ELAVL4: variants seen among roughly 807,000 people sequenced by gnomAD.
The protein encoded by ELAVL4 is ELAV like RNA binding protein 4.
ELAVL4 carries 1 observed loss-of-function variant against 35.6 expected under a neutral mutation model. That is an observed-to-expected ratio of 0.03 (90% CI 0.01 to 0.13). The LOEUF is 0.13. ELAVL4 is among the 10% of genes least tolerant of loss of function. The pLI is 1.00. For missense variants in ELAVL4, 267 were observed against 464.9 expected, an observed-to-expected ratio of 0.57 and a Z score of 3.91; for synonymous variants, 156 against 171.0, an observed-to-expected ratio of 0.91 and a Z score of 0.69.
chr1:50,202,412 A>G lies in ELAVL4; in HGVS notation c.*1234A>G, dbSNP rs1644424652. 6.6e-6 allele frequency: 1 copy of G among 152,196 alleles called. No homozygotes were observed. The allele number at this position is 152,196 out of a possible 1,614,324, so 9.4% of individuals were successfully genotyped here. A position where few individuals can be genotyped will look rare whatever the true frequency, so the allele number is the denominator to read the frequency against. On this transcript the variant is annotated 3_prime_UTR_variant, in exon 7 of 7. Transcript: ENST00000371824. ...TGTGTTTAGGAGAGGAAAACAAAAG[A>G]TACATTTGCTTTAAATTCATTAAGA...
At chr1:50,061,977 T>C (rs1664005458) in intron 1 of ELAVL4, among the ~76,000 whole-genome samples, 1 of 152,226 alleles carries the variant, frequency 6.6e-6, no homozygotes, top group African/African-American at 2.4e-5. Flanking sequence ...AGTATTATTA[T>C]TATCCTCCTG....
At chr1:50,069,134 T>C (rs1156487377) in intron 1 of ELAVL4, among the ~76,000 whole-genome samples, 1 of 152,202 alleles carries the variant, frequency 6.6e-6, no homozygotes, top group African/African-American at 2.4e-5. Flanking sequence ...TGTTTATGTA[T>C]CTCTATGTCA....
chr1:50,198,400 G>A (rs1644189711), intron 6 of ELAVL4, among the ~76,000 whole-genome samples: 1 of 152,120 alleles, frequency 6.6e-6, no homozygotes, highest in African/African-American at 2.4e-5. Flanking sequence ...ACAGTCAAGG[G>A]AAAGAGATGT....
intron 1 of ELAVL4, 106 bp from the exon 2 acceptor site, chr1:50,144,851 G>T: frequency 6.5e-7 from 1 of 1,533,400 alleles, no homozygotes. Flanking sequence ...GCTCCATCTT[G>T]CTTTATCTTC....
At chr1:50,176,243 G>A (rs1260692847) in intron 2 of ELAVL4, among the ~76,000 whole-genome samples, 2 of 152,138 alleles carry the variant, frequency 1.3e-5, no homozygotes, top group Non-Finnish European at 2.9e-5. Context: ...GAGTTTATTT[G>A]CACTCTTAGC....
intron 3 of ELAVL4, among the ~76,000 whole-genome samples, chr1:50,190,799 A>G (rs968876487): frequency 2.6e-5 from 4 of 152,126 alleles, no homozygotes; most frequent in Admixed American, 2.6e-4. Flanking sequence ...AACTAATGGG[A>G]GTTAAGGTCA....
At chr1:50,192,415 G>A (rs1457210995) in intron 3 of ELAVL4, among the ~76,000 whole-genome samples, 1 of 152,018 alleles carries the variant, frequency 6.6e-6, no homozygotes, top group South Asian at 2.1e-4. Flanking sequence ...TCCCCTGAAG[G>A]TCACAGAAGC....
At chr1:50,161,267 G>C (rs780578962) in intron 2 of ELAVL4, among the ~76,000 whole-genome samples, 3 of 151,734 alleles carry the variant, frequency 2.0e-5, no homozygotes, top group Non-Finnish European at 2.9e-5. Context: ...TTCAACCCTT[G>C]TTAAAAACAT....
intron 1 of ELAVL4, among the ~76,000 whole-genome samples, chr1:50,093,527 G>A (rs185901249): frequency 9.9e-5 from 15 of 152,270 alleles, no homozygotes; most frequent in African/African-American, 3.4e-4. Context: ...TAGGTAATGT[G>A]ACCATGTGAC....
chr1:50,120,033 A>G (rs1347819925), intron 1 of ELAVL4, among the ~76,000 whole-genome samples: 1 of 150,310 alleles, frequency 6.7e-6, no homozygotes, highest in Non-Finnish European at 1.5e-5. Flanking sequence ...TCTCTTCTAT[A>G]TCAAATTTTT....
chr1:50,057,798 A>G (rs1353061709), intron 1 of ELAVL4, among the ~76,000 whole-genome samples: 1 of 152,192 alleles, frequency 6.6e-6, no homozygotes, highest in Non-Finnish European at 1.5e-5. Flanking sequence ...ACGTATCCCC[A>G]TTGTTAAGCA....
chr1:50,184,144 G>C (rs1054604306), intron 3 of ELAVL4, among the ~76,000 whole-genome samples: 26 of 152,284 alleles, frequency 1.7e-4, no homozygotes, highest in African/African-American at 5.5e-4. Flanking sequence ...CTTCCTTTGA[G>C]TGAATAATTT....
chr1:50,121,761 A>T (rs1234812872), intron 1 of ELAVL4, among the ~76,000 whole-genome samples: 1 of 152,062 alleles, frequency 6.6e-6, no homozygotes. Flanking sequence ...TTTAATATGA[A>T]GCATCATATC....
chr1:50,113,339 G>T (rs1667398418), intron 1 of ELAVL4, among the ~76,000 whole-genome samples: 2 of 151,536 alleles, frequency 1.3e-5, no homozygotes, highest in South Asian at 4.2e-4. Flanking sequence ...GCTTCATTTA[G>T]CCCTGAGCAT....
chr1:50,079,427 ATGAGAAGCTCTGAAGCT>A (rs1557690765), intron 1 of ELAVL4, among the ~76,000 whole-genome samples: 1 of 152,210 alleles, frequency 6.6e-6, no homozygotes, highest in Non-Finnish European at 1.5e-5. Flanking sequence ...AGCCCCTTCC[ATGAGAAGCTCTGAAGCT>A]AAGATAGCCT....
rs190692843 is a variant in ELAVL4 at position 50,161,122 on chromosome 1, C to A, written c.250+15925C>A. ...GCTGGAATCACCTGTTGGTTTGCAT[C>A]CACTCTGGGTGGAATGTCTTGTCTA... On this transcript the variant is annotated intron_variant, in intron 2 of 6. Transcript: ENST00000371824. Among the ~76,000 whole-genome samples the A allele has an allele frequency of 8.5e-5, 13 of 152,276 alleles. 1 individual carries two copies. In the East Asian group the frequency reaches 2.5e-3, roughly 29 times the overall value.
intron 1 of ELAVL4, among the ~76,000 whole-genome samples, chr1:50,133,649 A>G (rs368608359): frequency 1.5e-3 from 179 of 116,920 alleles, no homozygotes; most frequent in African/African-American, 5.2e-3. Flanking sequence ...GAAAGAAAGA[A>G]AGAGAAAGAA....
intron 1 of ELAVL4, among the ~76,000 whole-genome samples, chr1:50,090,561 G>A (rs928140593): frequency 1.3e-5 from 2 of 152,070 alleles, no homozygotes; most frequent in African/African-American, 4.8e-5. Flanking sequence ...GTTAGCTCTT[G>A]CTCATTTCAC....
chr1:50,048,112 G>C, exon 1 of ELAVL4: 1 of 1,470,788 alleles, frequency 6.8e-7, no homozygotes, highest in Non-Finnish European at 9.0e-7. Flanking sequence ...CGCCCGCCGC[G>C]CTCCGCCCCA....
Sources: gnomAD v4.1 joint callset for allele counts (sites outside exome capture counted in the v4.1 genomes callset) on GRCh38, gnomAD v4.1.1 for gene constraint, MANE v1.5 for transcripts, NCBI Gene and HGNC (gene_info 2026-07-23, HGNC 2026-07-21) for gene names.